The following ST8SIA4 variants were observed in gnomAD, a reference collection of about 807,000 sequenced individuals.
The protein encoded by ST8SIA4 is ST8 alpha-N-acetyl-neuraminide alpha-2,8-sialyltransferase 4.
ST8SIA4 carries 15 observed loss-of-function variants against 33.9 expected under a neutral mutation model. That is an observed-to-expected ratio of 0.44 (90% CI 0.30 to 0.68). The LOEUF (loss-of-function observed/expected upper bound fraction) is 0.68. Among genes scored for constraint, ST8SIA4 ranks in the 30% least tolerant of loss-of-function variants. ST8SIA4 has a pLI of 0.10. For missense variants in ST8SIA4, 321 were observed against 428.0 expected (o/e 0.75, Z 2.21); for synonymous variants, 171 against 151.2 (o/e 1.13, Z -0.96).
In ST8SIA4 at chr5:100,807,276, C is replaced by A. The variant is rs562543011; in HGVS notation, c.*4571G>T. The stretch of plus-strand genomic sequence containing the variant: ...ATAATACCCGGTTGCTATACACAAA[C>A]AATAAGAAAACAGTGTTGAACAGAA... On this transcript the variant is annotated 3_prime_UTR_variant, in exon 5 of 5. Transcript: ENST00000231461. 6.6e-6 allele frequency: 1 copy of A among 152,554 alleles called. No individual in the cohort carries two copies. The highest frequency in any genetic ancestry group is 2.4e-5 in the African/African-American group (1 of 41,538). The allele number at this position is 152,554 out of a possible 1,614,324, so 9.5% of individuals were successfully genotyped here. A position where few individuals can be genotyped will look rare whatever the true frequency, so the allele number is the denominator to read the frequency against.
chr5:100,889,703 A>G (rs1307670414), intron 2 of ST8SIA4, among the ~76,000 whole-genome samples: 1 of 151,978 alleles, frequency 6.6e-6, no homozygotes, highest in Non-Finnish European at 1.5e-5. Flanking sequence ...AAAGGGAACT[A>G]TAAGAGTTAA....
chr5:100,857,977 A>G (rs1294338172), intron 3 of ST8SIA4, among the ~76,000 whole-genome samples: 1 of 152,034 alleles, frequency 6.6e-6, no homozygotes, highest in Non-Finnish European at 1.5e-5. Flanking sequence ...GATTCATACC[A>G]CTAATTATTA....
intron 4 of ST8SIA4, among the ~76,000 whole-genome samples, chr5:100,836,634 C>G (rs1751366330): frequency 6.6e-6 from 1 of 152,028 alleles, no homozygotes; most frequent in Admixed American, 6.6e-5. Flanking sequence ...CTCACGTTGA[C>G]TTCTCCAACT....
At chr5:100,839,251 C>CA (rs1420122828) in intron 4 of ST8SIA4, among the ~76,000 whole-genome samples, 1 of 151,946 alleles carries the variant, frequency 6.6e-6, no homozygotes, top group Non-Finnish European at 1.5e-5. Flanking sequence ...TATCTTGTTT[C>CA]AAATTTCATT....
chr5:100,881,317 G>C (rs1752418587), intron 3 of ST8SIA4, among the ~76,000 whole-genome samples: 1 of 152,152 alleles, frequency 6.6e-6, no homozygotes, highest in Admixed American at 6.5e-5. Context: ...AGTATTTTGT[G>C]TGGCATATAT....
chr5:100,810,158 C>T lies in ST8SIA4; in HGVS notation c.*1689G>A, dbSNP rs1181136858. Reference sequence around the variant, plus strand: ...GAAACAATCTACTATCATAAGTTACCAGAAAACTGGCCTATTGGTCAATTC... The same window carrying T: ...GAAACAATCTACTATCATAAGTTACTAGAAAACTGGCCTATTGGTCAATTC... On this transcript the variant is annotated 3_prime_UTR_variant, in exon 5 of 5. Transcript: ENST00000231461. The T allele has an allele frequency of 6.6e-6, 1 of 152,104 alleles. No homozygotes were observed. The highest frequency in any genetic ancestry group is 1.9e-4 in the East Asian group (1 of 5,206). 9.4% of individuals were successfully genotyped at this position (152,104 alleles called of 1,614,324 possible). A position where few individuals can be genotyped will look rare whatever the true frequency, so the allele number is the denominator to read the frequency against.
At chr5:100,820,021 T>A (rs1229077315) in intron 4 of ST8SIA4, among the ~76,000 whole-genome samples, 2 of 152,172 alleles carry the variant, frequency 1.3e-5, no homozygotes, top group Non-Finnish European at 2.9e-5. Flanking sequence ...GTTACAATAT[T>A]CAATAGTGGG....
rs1491491812 is a variant in ST8SIA4, at chr5:100,837,030, A to ACACACACACC, written c.797+19072_797+19073insGGTGTGTGTG. On this transcript the variant is annotated intron_variant, in intron 4 of 4. Transcript: ENST00000231461. ...CACACACACACACACACACACACACACCGTAATACCTGAGGGAAATAAGAT... is the reference window on the plus strand; with the variant it reads ...CACACACACACACACACACACACACACACACACACCCCGTAATACCTGAGGGAAATAAGAT... Among the ~76,000 whole-genome samples, 295 of 140,026 alleles carry ACACACACACC rather than the reference A, an allele frequency of 2.1e-3. 1 individual carries two copies. The highest frequency in any genetic ancestry group is 7.2e-3 in the African/African-American group (279 of 38,956). 91.9% of individuals were successfully genotyped at this position (140,026 alleles called of 152,430 possible).
chr5:100,843,317 A>G (rs947583725), intron 4 of ST8SIA4, among the ~76,000 whole-genome samples: 2 of 151,908 alleles, frequency 1.3e-5, no homozygotes, highest in Non-Finnish European at 2.9e-5. Flanking sequence ...TGTTGACAAT[A>G]AAAGTTTATA....
intron 3 of ST8SIA4, among the ~76,000 whole-genome samples, chr5:100,881,076 G>A (rs1752412290): frequency 6.6e-6 from 1 of 152,178 alleles, no homozygotes; most frequent in African/African-American, 2.4e-5. Context: ...GATTTTGTAT[G>A]CAGGTAAGAC....
intron 3 of ST8SIA4, among the ~76,000 whole-genome samples, chr5:100,881,161 T>C (rs963174414): frequency 6.6e-6 from 1 of 152,156 alleles, no homozygotes; most frequent in African/African-American, 2.4e-5. Context: ...GTTTGAAAAA[T>C]CCACGGTGAT....
chr5:100,832,462 A>G (rs1580453889), intron 4 of ST8SIA4, among the ~76,000 whole-genome samples: 1 of 152,176 alleles, frequency 6.6e-6, no homozygotes, highest in East Asian at 1.9e-4. Context: ...AATGATAAGA[A>G]GAGAAATTTG....
intron 4 of ST8SIA4, among the ~76,000 whole-genome samples, chr5:100,839,615 AG>A (rs1438413413): frequency 1.3e-5 from 2 of 152,008 alleles, no homozygotes; most frequent in African/African-American, 4.8e-5. Context: ...AACACAAGAC[AG>A]AAACAGCTCA....
At chr5:100,901,484 T>C (rs779457974) in intron 1 of ST8SIA4, among the ~76,000 whole-genome samples, 13 of 152,208 alleles carry the variant, frequency 8.5e-5, no homozygotes, top group Admixed American at 3.3e-4. Flanking sequence ...CTGCAAGGGA[T>C]GCCCACGCCC....
At chr5:100,851,575 A>G (rs1014038308) in intron 4 of ST8SIA4, among the ~76,000 whole-genome samples, 5 of 152,216 alleles carry the variant, frequency 3.3e-5, no homozygotes, top group African/African-American at 9.6e-5. Context: ...AGTGCAAAAG[A>G]GTACATATGA....
chr5:100,865,714 G>C (rs1403117316), intron 3 of ST8SIA4, among the ~76,000 whole-genome samples: 1 of 151,968 alleles, frequency 6.6e-6, no homozygotes, highest in African/African-American at 2.4e-5. Context: ...GCATCTCAGA[G>C]ACTTCTCACA....
intron 1 of ST8SIA4, among the ~76,000 whole-genome samples, chr5:100,898,882 A>G (rs1752836270): frequency 6.6e-6 from 1 of 152,228 alleles, no homozygotes; most frequent in South Asian, 2.1e-4. Context: ...ATAGCGAAAC[A>G]CATCAACGAA....
intron 1 of ST8SIA4, among the ~76,000 whole-genome samples, chr5:100,896,324 A>T (rs1752779039): frequency 6.6e-6 from 1 of 152,146 alleles, no homozygotes; most frequent in East Asian, 1.9e-4. Context: ...AGAGGACCTT[A>T]AGGTAAGTGA....
chr5:100,845,650 T>C (rs10463772), intron 4 of ST8SIA4, among the ~76,000 whole-genome samples: 42,567 of 151,752 alleles, frequency 0.28, 6,213 homozygotes, highest in Non-Finnish European at 0.32. Context: ...TCCCTGTAGT[T>C]CGTTAATATA....
Sources: allele counts gnomAD v4.1 joint callset (sites outside exome capture counted in the v4.1 genomes callset), GRCh38; gene constraint gnomAD v4.1.1; transcripts MANE v1.5; gene names NCBI Gene and HGNC (gene_info 2026-07-23, HGNC 2026-07-21).